Variants in RADX observed in about 807,000 individuals in gnomAD.
The protein encoded by RADX is RPA1 related single stranded DNA binding protein, X-linked.
In RADX, 36 loss-of-function variants were observed where a neutral mutation model predicts 61.6. That is an observed-to-expected ratio of 0.58 (90% CI 0.45 to 0.77). RADX has a LOEUF of 0.77. Among genes scored for constraint, RADX ranks in the 30% least tolerant of loss-of-function variants. The pLI is 0.00. For synonymous variants in RADX, 272 were observed against 237.9 expected (o/e 1.14, Z -1.32); for missense variants, 497 against 651.1 (o/e 0.76, Z 2.58).
At chrX:106,631,811 A>G (rs199652058) in intron 3 of RADX, among the ~76,000 whole-genome samples, 10 of 108,871 alleles carry the variant, frequency 9.2e-5, no homozygotes, top group African/African-American at 3.4e-4. Flanking sequence ...AGAAGAAAGA[A>G]AGAGAAAGAA....
intron 11 of RADX, among the ~76,000 whole-genome samples, chrX:106,654,704 A>C (rs2147633581): frequency 8.9e-6 from 1 of 112,030 alleles, no homozygotes; most frequent in Non-Finnish European, 1.9e-5. Flanking sequence ...GCAAAGACTT[A>C]GGAATAAAAC....
chrX:106,678,232 A>T lies in RADX; in HGVS notation c.2542A>T (p.Ile848Phe). 8.6e-7 allele frequency: 1 copy of T among 1,168,562 alleles called. No individual in the cohort carries two copies. The highest frequency in any genetic ancestry group is 1.2e-6 in the Non-Finnish European group (1 of 857,189). Residue 848 changes from isoleucine (I) to phenylalanine (F), a missense_variant, in exon 14 of 14, where the codon ATT (isoleucine) becomes TTT (phenylalanine). By Grantham distance (21) the Ile-to-Phe change is conservative. This residue lies in a region of RADX where 267 missense variants were observed against 306.9 expected (regional missense o/e 0.87). Coordinates refer to ENST00000372548, the MANE Select transcript of RADX (RefSeq NM_018015.6). ...NNKVEVYLHKIYSPENTS is the reference protein window; with the variant it reads ...NNKVEVYLHKFYSPENTS The stretch of plus-strand genomic sequence containing the variant: ...TAAAGTGGAAGTCTATTTGCACAAG[A>T]TTTATAGTCCAGAGAATACTTCTTA...
At chrX:106,658,144 A>G (rs5962354) in intron 11 of RADX, among the ~76,000 whole-genome samples, 12,294 of 111,834 alleles carry the variant, frequency 0.11, 1,646 homozygotes, top group African/African-American at 0.38. Context: ...ACCAATTTAA[A>G]TGTAAAGATA....
chrX:106,676,611 A>G (rs1928516451), intron 13 of RADX, among the ~76,000 whole-genome samples: 2 of 112,622 alleles, frequency 1.8e-5, no homozygotes, highest in Non-Finnish European at 3.7e-5. Flanking sequence ...ATGCGTAGCC[A>G]CTAAAGTCTG....
At chrX:106,636,386 C>T (rs1009495427) in intron 6 of RADX, among the ~76,000 whole-genome samples, 157 bp from the exon 7 acceptor site, 1 of 111,731 alleles carries the variant, frequency 9.0e-6, no homozygotes, top group Non-Finnish European at 1.9e-5. Flanking sequence ...AATCTCAGGC[C>T]CCACCCTAGA....
chrX:106,637,645 G>T, intron 7 of RADX, 115 bp from the exon 8 acceptor site: 2 of 559,688 alleles, frequency 3.6e-6, no homozygotes, highest in African/African-American at 2.3e-5. Flanking sequence ...TTTTCTTGGT[G>T]ATAAAAGAGG....
At chrX:106,661,702 A>G (rs770936775) in intron 11 of RADX, among the ~76,000 whole-genome samples, 11 of 112,092 alleles carry the variant, frequency 9.8e-5, no homozygotes, top group African/African-American at 1.3e-4. Flanking sequence ...TAAAAAGAAC[A>G]TATGTTTAAG....
chrX:106,664,994 A>G (rs1228862525), intron 12 of RADX, among the ~76,000 whole-genome samples: 3 of 111,847 alleles, frequency 2.7e-5, no homozygotes, highest in Non-Finnish European at 5.6e-5. Context: ...TACTATCTAC[A>G]TCTATACTTC....
At chrX:106,658,964 A>ATTTT (rs71937728) in intron 11 of RADX, among the ~76,000 whole-genome samples, 3 of 96,126 alleles carry the variant, frequency 3.1e-5, no homozygotes, top group African/African-American at 1.1e-4. Context: ...ATCCCATTAC[A>ATTTT]TTTTTTTTTT....
intron 11 of RADX, among the ~76,000 whole-genome samples, chrX:106,651,823 T>A (rs1927799692): frequency 9.1e-6 from 1 of 109,832 alleles, no homozygotes; most frequent in African/African-American, 3.3e-5. Context: ...GGAGGAATTA[T>A]GAAAAATTTT....
chrX:106,646,973 C>T (rs998259066), intron 10 of RADX, among the ~76,000 whole-genome samples: 2 of 111,223 alleles, frequency 1.8e-5, no homozygotes, highest in African/African-American at 3.3e-5. Flanking sequence ...ATTTATCCTT[C>T]GTGTTACAAA....
chrX:106,633,582 A>G (rs1214563473), intron 6 of RADX, among the ~76,000 whole-genome samples: 3 of 111,802 alleles, frequency 2.7e-5, no homozygotes, highest in African/African-American at 3.2e-5. Flanking sequence ...CTTTTTATAC[A>G]TTTGGAAATT....
At chrX:106,666,690 T>C (rs1157355817) in intron 12 of RADX, among the ~76,000 whole-genome samples, 1 of 112,241 alleles carries the variant, frequency 8.9e-6, no homozygotes, top group Non-Finnish European at 1.9e-5. Context: ...GTTATTAAAA[T>C]TTGAAATTAT....
intron 13 of RADX, among the ~76,000 whole-genome samples, chrX:106,670,891 A>G (rs1340437652): frequency 1.8e-5 from 2 of 111,602 alleles, no homozygotes; most frequent in Non-Finnish European, 3.8e-5. Flanking sequence ...AAAAATAGTT[A>G]CAAAATGATA....
At chrX:106,623,169 C>G (rs1448874552) in intron 2 of RADX, among the ~76,000 whole-genome samples, 2 of 111,404 alleles carry the variant, frequency 1.8e-5, no homozygotes, top group Non-Finnish European at 3.8e-5. Context: ...CCCTATCTTT[C>G]TCTTCAGGTA....
chrX:106,625,208 C>T lies in RADX; in HGVS notation c.905C>T (p.Ser302Phe). The change falls in exon 3 of 14, where the codon TCT becomes TTT. Residue 302 changes from serine (S) to phenylalanine (F), a missense_variant. Physicochemically the swap from Ser to Phe is radical, Grantham distance 155. Coordinates refer to ENST00000372548, the MANE Select transcript of RADX (RefSeq NM_018015.6). The stretch of plus-strand genomic sequence containing the variant: ...TTAGTTCTTCTGCTTCAAGACTATT[C>T]TGTTAAAAAGAGTTATCCATTCAGA... ...VGLVLLLQDY[S>F]VKKSYPFRIQ... is the part of the protein sequence containing the mutation. The T allele has an allele frequency of 1.7e-6, 2 of 1,205,747 alleles. No individual in the cohort carries two copies. The highest frequency in any genetic ancestry group is 2.2e-6 in the Non-Finnish European group (2 of 892,170).
chrX:106,674,218 G>A (rs1197857502), intron 13 of RADX, among the ~76,000 whole-genome samples: 2 of 110,904 alleles, frequency 1.8e-5, no homozygotes, highest in Non-Finnish European at 3.8e-5. Flanking sequence ...GGGAGGGGTG[G>A]GAGACGATTG....
chrX:106,619,497 T>A (rs985770830), intron 1 of RADX, among the ~76,000 whole-genome samples: 6 of 112,079 alleles, frequency 5.4e-5, no homozygotes, highest in Non-Finnish European at 1.1e-4. Context: ...CTGGGACAAT[T>A]TATAGCTCAG....
intron 6 of RADX, among the ~76,000 whole-genome samples, chrX:106,633,520 A>G (rs781067125): frequency 4.5e-5 from 5 of 111,862 alleles, no homozygotes; most frequent in African/African-American, 1.6e-4. Context: ...AATTCCACGC[A>G]TTAAAAAAAT....
Sources: allele counts gnomAD v4.1 joint callset (sites outside exome capture counted in the v4.1 genomes callset), GRCh38; gene constraint gnomAD v4.1.1; regional missense constraint gnomAD v4.1.1; transcripts MANE v1.5; gene names NCBI Gene and HGNC (gene_info 2026-07-23, HGNC 2026-07-21).